The following KCND3 variants were observed in gnomAD, a reference collection of about 807,000 sequenced individuals.
The protein encoded by KCND3 is A-type voltage-gated potassium channel KCND3.
Under a neutral mutation model 51.1 loss-of-function variants are expected in KCND3, and 9 were observed. That is an observed-to-expected ratio of 0.18 (90% CI 0.11 to 0.31). The LOEUF is 0.31. Ranked by LOEUF, KCND3 falls within the 10% of genes least tolerant of loss-of-function variation. The pLI is 1.00. For missense variants in KCND3, 526 were observed against 903.8 expected (o/e 0.58, Z 5.36); for synonymous variants, 349 against 368.0 (o/e 0.95, Z 0.59).
At chr1:111,986,114 T>C (rs1015635195) in intron 1 of KCND3, among the ~76,000 whole-genome samples, 2 of 152,218 alleles carry the variant, frequency 1.3e-5, no homozygotes, top group African/African-American at 2.4e-5. Flanking sequence ...AGCTAGGATT[T>C]ATTTCTAAGG....
In KCND3 at chr1:111,972,463, C is replaced by T. The variant is rs541974733; in HGVS notation, c.1106+9158G>A. Among the ~76,000 whole-genome samples, 16 of 152,290 alleles carry T rather than the reference C, an allele frequency of 1.1e-4. No homozygotes were observed. In the South Asian group the frequency reaches 1.7e-3, roughly 16 times the overall value. On this transcript the variant is annotated intron_variant, in intron 2 of 7. Transcript: ENST00000302127. ...CTGGGATTACAGGCGTGAGCCCCCG[C>T]GCCCGGCCCCTATTTGTATATCTTA...
rs1671834999 is a variant in KCND3, at chr1:111,928,969, C to G, written c.1106+52652G>C. On this transcript the variant is annotated intron_variant, in intron 2 of 7. Coordinates refer to ENST00000302127, the MANE Select transcript of KCND3 (RefSeq NM_001378969.1). ...TGTGATGGCATCAAGGTTAATAGAG[C>G]CTCCTGCAAACTTGGAATCCAAACG... 1.3e-5 allele frequency among the ~76,000 whole-genome samples: 2 copies of G among 152,226 alleles called. 1 individual carries two copies. The highest frequency in any genetic ancestry group is 4.1e-4 in the South Asian group (2 of 4,832).
intron 2 of KCND3, among the ~76,000 whole-genome samples, chr1:111,859,782 G>A (rs1247174256): frequency 3.3e-5 from 5 of 152,208 alleles, no homozygotes; most frequent in Non-Finnish European, 7.3e-5. Context: ...GATCAAGCTT[G>A]TATCATATGG....
intron 3 of KCND3, among the ~76,000 whole-genome samples, chr1:111,784,469 AG>A (rs1214230849): frequency 6.7e-6 from 1 of 148,984 alleles, no homozygotes; most frequent in African/African-American, 2.6e-5. Context: ...CAGAGGACAC[AG>A]TATCTAAGGC....
chr1:111,837,630 T>A (rs138490842), intron 2 of KCND3, among the ~76,000 whole-genome samples: 3 of 152,266 alleles, frequency 2.0e-5, no homozygotes, highest in African/African-American at 7.2e-5. Flanking sequence ...AGTTGCCTGA[T>A]TTAGACTCCC....
chr1:111,939,714 G>A (rs186976381), intron 2 of KCND3, among the ~76,000 whole-genome samples: 282 of 152,338 alleles, frequency 1.9e-3, no homozygotes, highest in Non-Finnish European at 3.4e-3. Flanking sequence ...ATAGTAAAAT[G>A]ATTTCTAATC....
At chr1:111,857,608 C>T (rs1351997947) in intron 2 of KCND3, among the ~76,000 whole-genome samples, 1 of 151,874 alleles carries the variant, frequency 6.6e-6, no homozygotes, top group Non-Finnish European at 1.5e-5. Context: ...CCCAGCCCTC[C>T]AGGGGACTCC....
intron 2 of KCND3, among the ~76,000 whole-genome samples, chr1:111,876,949 G>C (rs1204247861): frequency 2.0e-5 from 3 of 152,196 alleles, no homozygotes; most frequent in Non-Finnish European, 4.4e-5. Context: ...GGGTAGGATG[G>C]CTCCACATCT....
At chr1:111,880,921 C>A (rs1669275036) in intron 2 of KCND3, among the ~76,000 whole-genome samples, 1 of 152,120 alleles carries the variant, frequency 6.6e-6, no homozygotes, top group African/African-American at 2.4e-5. Context: ...CGTCCCAGCC[C>A]CCTCCACTTG....
rs372277078 is a variant in KCND3 at position 111,897,595 on chromosome 1, C to T, written c.1106+84026G>A. On this transcript the variant is annotated intron_variant, in intron 2 of 7. Coordinates refer to ENST00000302127, the MANE Select transcript of KCND3 (RefSeq NM_001378969.1). ...ATGTGGGTTTCTGCCTATGTGGGGC[C>T]AGGTAGGGCAGGGCATGCAGGTCTG... Among the ~76,000 whole-genome samples the T allele has an allele frequency of 1.2e-3, 179 of 152,284 alleles. 1 individual carries two copies. Among genetic ancestry groups the T allele is most frequent in the African/African-American group, 4.2e-3 (174 of 41,556 alleles).
At chr1:111,800,142 C>T (rs1665236923) in intron 2 of KCND3, among the ~76,000 whole-genome samples, 1 of 143,132 alleles carries the variant, frequency 7.0e-6, no homozygotes, top group South Asian at 2.3e-4. Flanking sequence ...GGATGGTTGC[C>T]GTGTCTGTGT....
At chr1:111,928,137 A>G (rs1388325799) in intron 2 of KCND3, among the ~76,000 whole-genome samples, 1 of 152,148 alleles carries the variant, frequency 6.6e-6, no homozygotes, top group East Asian at 1.9e-4. Context: ...AACTCCCATT[A>G]GAATATAAGT....
rs751183036 is a variant in KCND3 at position 111,981,878 on chromosome 1, G to A, written c.849C>T (p.Ser283=). The A allele has an allele frequency of 1.2e-5, 19 of 1,613,904 alleles. No individual in the cohort carries two copies. The highest frequency in any genetic ancestry group is 1.5e-5 in the Non-Finnish European group (18 of 1,180,014). ...AGACCCGGAGCGTGACGAAGGCGCC[G>A]GACACGTCCTCGTTGTTGGTCATGA... ...GLVMTNNEDV[S]GAFVTLRVFR... is the part of the protein sequence containing the mutation. The change falls in exon 2 of 8, where the codon TCC becomes TCT. Residue 283 remains serine (S), a synonymous_variant. Transcript: ENST00000302127. This position sits in a 1 kb window ranked among gnomAD's most constrained non-coding sequence, Gnocchi z 6.2.
chr1:111,779,370 A>G (rs1277179757), intron 5 of KCND3, among the ~76,000 whole-genome samples: 1 of 152,200 alleles, frequency 6.6e-6, no homozygotes, highest in African/African-American at 2.4e-5. Flanking sequence ...CTGGGAGGCC[A>G]GGATATGGAA....
At chr1:111,880,384 C>T (rs972461948) in intron 2 of KCND3, among the ~76,000 whole-genome samples, 2 of 152,064 alleles carry the variant, frequency 1.3e-5, no homozygotes, top group Non-Finnish European at 2.9e-5. Context: ...CAGGGTGGGG[C>T]GCCATGGAGA....
intron 2 of KCND3, among the ~76,000 whole-genome samples, chr1:111,846,418 T>TCTGCTGCTG (rs55653915): frequency 0.13 from 20,050 of 150,774 alleles, 1,813 homozygotes; most frequent in East Asian, 0.46. Flanking sequence ...CATGACACTC[T>TCTGCTGCTG]CTGCTGCTGC....
At chr1:111,980,616 T>C (rs376599964) in intron 2 of KCND3, among the ~76,000 whole-genome samples, 2 of 152,144 alleles carry the variant, frequency 1.3e-5, no homozygotes, top group African/African-American at 2.4e-5. Flanking sequence ...AGACCCAGTA[T>C]ATGAATTGTG....
chr1:111,784,888 G>A (rs188530886), intron 3 of KCND3, among the ~76,000 whole-genome samples: 15 of 152,206 alleles, frequency 9.9e-5, no homozygotes, highest in Non-Finnish European at 1.8e-4. Context: ...AGAAGCCTGA[G>A]TTGCTCCTAG....
At chr1:111,794,719 G>C (rs1449849610) in intron 2 of KCND3, among the ~76,000 whole-genome samples, 7 of 152,208 alleles carry the variant, frequency 4.6e-5, no homozygotes, top group Non-Finnish European at 8.8e-5. Flanking sequence ...GACAACAGTA[G>C]ACCATCATGG....
Sources: allele counts gnomAD v4.1 joint callset (sites outside exome capture counted in the v4.1 genomes callset), GRCh38; gene constraint gnomAD v4.1.1; non-coding constraint Gnocchi (gnomAD v3.1); transcripts MANE v1.5; gene names NCBI Gene and HGNC (gene_info 2026-07-23, HGNC 2026-07-21).